CCNK: variants seen among roughly 807,000 people sequenced by gnomAD.
The protein encoded by CCNK is cyclin-K.
A neutral mutation model predicts 65.0 loss-of-function variants in CCNK; 9 were observed. That is an observed-to-expected ratio of 0.14 (90% CI 0.08 to 0.24). The LOEUF is 0.24. Among genes scored for constraint, CCNK ranks in the 10% least tolerant of loss-of-function variants. CCNK has a pLI of 1.00. For synonymous variants in CCNK, 279 were observed against 270.8 expected, an observed-to-expected ratio of 1.03 and a Z score of -0.30; for missense variants, 474 against 720.0, an observed-to-expected ratio of 0.66 and a Z score of 3.91.
intron 9 of CCNK, 172 bp downstream of exon 9, chr14:99,503,816 T>G (rs147915608): frequency 3.3e-6 from 2 of 605,948 alleles, no homozygotes; most frequent in African/African-American, 3.7e-5. Flanking sequence ...TGATCATAGA[T>G]TCTAAAATTG....
At chr14:99,488,005 C>G (rs1896526930) in intron 1 of CCNK, among the ~76,000 whole-genome samples, 2 of 152,170 alleles carry the variant, frequency 1.3e-5, no homozygotes, top group South Asian at 2.1e-4. Context: ...GCAATGACAA[C>G]TTATTTACCT....
At chr14:99,483,816 C>T (rs1046765921) in intron 1 of CCNK, among the ~76,000 whole-genome samples, 1 of 152,188 alleles carries the variant, frequency 6.6e-6, no homozygotes, top group African/African-American at 2.4e-5. Flanking sequence ...TGGAGATATG[C>T]TACAGGACTC....
At position 99,497,631 on chromosome 14, in the gene CCNK, G is replaced by GT. The variant is rs957990026; in HGVS notation, c.411+2007dup. 6.6e-5 allele frequency among the ~76,000 whole-genome samples: 10 copies of GT among 152,336 alleles called. No homozygotes were observed. The South Asian group carries it at 1.9e-3, about 28-fold the overall frequency. On this transcript the variant is annotated intron_variant, in intron 4 of 10. Transcript: ENST00000389879. ...GAAGTTCAGCCCCATTCATGGTGTT[G>GT]TTTTTCCTAACTAGCTTGTATTGTC...
intron 8 of CCNK, 110 bp downstream of exon 8, chr14:99,503,094 TGTTCGCCGAAACTCGCA>T (rs1356113108): frequency 7.8e-7 from 1 of 1,276,892 alleles, no homozygotes; most frequent in Non-Finnish European, 1.1e-6. Flanking sequence ...AAGCAGGGGG[TGTTCGCCGAAACTCGCA>T]GTCCGACTGC....
intron 10 of CCNK, chr14:99,509,197 C>T (rs923248462): frequency 5.3e-5 from 8 of 152,260 alleles, no homozygotes; most frequent in African/African-American, 1.9e-4. Flanking sequence ...GTGGCTTTGT[C>T]CTCTCTATGT....
In CCNK at chr14:99,481,426, A is replaced by G. The variant is rs1475735051; in HGVS notation, c.-106A>G. ...AGGTCCCCGACATTCCATATACAAG[A>G]TGGCCGCAGTCGGCAAGGAGAGACG... On this transcript the variant is annotated 5_prime_UTR_variant, in exon 1 of 11. The change abolishes an upstream ATG in the 5' untranslated region. Coordinates refer to ENST00000389879, the MANE Select transcript of CCNK (RefSeq NM_001099402.2). The G allele has an allele frequency of 5.0e-6, 2 of 398,570 alleles. No individual in the cohort carries two copies. The highest frequency in any genetic ancestry group is 4.1e-5 in the African/African-American group (2 of 48,634). 24.7% of individuals were successfully genotyped at this position (398,570 alleles called of 1,614,324 possible).
chr14:99,510,992 C>A lies in CCNK; in HGVS notation c.*210C>A. 1 of 397,282 alleles carries A rather than the reference C, an allele frequency of 2.5e-6. No individual in the cohort carries two copies. The highest frequency in any genetic ancestry group is 4.4e-6 in the Non-Finnish European group (1 of 227,148). 24.6% of individuals were successfully genotyped at this position (397,282 alleles called of 1,614,324 possible). A position where few individuals can be genotyped will look rare whatever the true frequency, so the allele number is the denominator to read the frequency against. On this transcript the variant is annotated 3_prime_UTR_variant, in exon 11 of 11. Coordinates refer to ENST00000389879, the MANE Select transcript of CCNK (RefSeq NM_001099402.2). ...CTTTCAGAGTAGCCTCATCAGTGCC[C>A]TTGCAGTCTGACTGTGTACACTTGG...
At chr14:99,503,553 T>G in intron 8 of CCNK, 58 bp from the exon 9 acceptor site, 2 of 1,466,976 alleles carry the variant, frequency 1.4e-6, no homozygotes, top group Non-Finnish European at 9.3e-7. Context: ...GATAATCCAT[T>G]TTTTTCTCAT....
intron 1 of CCNK, among the ~76,000 whole-genome samples, chr14:99,485,891 C>T (rs1896473410): frequency 6.6e-6 from 1 of 152,138 alleles, no homozygotes; most frequent in African/African-American, 2.4e-5. Flanking sequence ...AACCTATTTC[C>T]TAGTCTGTTC....
At chr14:99,503,231 C>G in intron 8 of CCNK, 1 of 669,706 alleles carries the variant, frequency 1.5e-6, no homozygotes, top group Non-Finnish European at 2.7e-6. Context: ...TCATCCCTGC[C>G]AGGGTTCTGA....
In CCNK at chr14:99,512,391, C is replaced by T. The variant is rs1185156300; in HGVS notation, c.*1609C>T. The T allele has an allele frequency of 6.6e-6, 1 of 151,390 alleles. No homozygotes were observed. Among genetic ancestry groups the T allele is most frequent in the Admixed American group, 6.6e-5 (1 of 15,232 alleles). 9.4% of individuals were successfully genotyped at this position (151,390 alleles called of 1,614,324 possible). Reference sequence around the variant, plus strand: ...TTTGCCCCACAGTATGAAAAATATACACCTCTACCGCTCTGCAGTCATGCA... The same window carrying T: ...TTTGCCCCACAGTATGAAAAATATATACCTCTACCGCTCTGCAGTCATGCA... On this transcript the variant is annotated 3_prime_UTR_variant, in exon 11 of 11. Transcript: ENST00000389879.
At chr14:99,494,881 A>G (rs1406549800) in intron 3 of CCNK, 1 of 152,210 alleles carries the variant, frequency 6.6e-6, no homozygotes, top group Non-Finnish European at 1.5e-5. Flanking sequence ...GCATCCTCAA[A>G]TGGTGGAAGG....
intron 1 of CCNK, among the ~76,000 whole-genome samples, chr14:99,491,248 G>A (rs148108325): frequency 1.3e-3 from 193 of 152,234 alleles, no homozygotes; most frequent in African/African-American, 4.3e-3. Flanking sequence ...TTTCAGAGTC[G>A]ATTCCCAGCA....
intron 2 of CCNK, 148 bp from the exon 3 acceptor site, chr14:99,493,366 C>T (rs1896634516): frequency 3.6e-6 from 2 of 553,362 alleles, no homozygotes; most frequent in East Asian, 2.9e-5. Context: ...TTCTGACACC[C>T]TGAGATTCCC....
rs1896312590 is a variant in CCNK at position 99,481,436 on chromosome 14, T to G, written c.-96T>G. 7.5e-6 allele frequency: 3 copies of G among 398,684 alleles called. No individual in the cohort carries two copies. The highest frequency in any genetic ancestry group is 1.3e-5 in the Non-Finnish European group (3 of 226,088). The allele number at this position is 398,684 out of a possible 1,614,324, so 24.7% of individuals were successfully genotyped here. Reference sequence around the variant, plus strand: ...CATTCCATATACAAGATGGCCGCAGTCGGCAAGGAGAGACGTCGCTGAGGG... The same window carrying G: ...CATTCCATATACAAGATGGCCGCAGGCGGCAAGGAGAGACGTCGCTGAGGG... On this transcript the variant is annotated 5_prime_UTR_variant, in exon 1 of 11. Transcript: ENST00000389879.
At chr14:99,482,050 T>C (rs1211868566) in intron 1 of CCNK, among the ~76,000 whole-genome samples, 2 of 152,190 alleles carry the variant, frequency 1.3e-5, no homozygotes, top group African/African-American at 2.4e-5. Context: ...TGGTTTGTTA[T>C]GAGAGAAATT....
intron 9 of CCNK, chr14:99,506,101 A>G (rs1431916569): frequency 6.6e-6 from 1 of 152,530 alleles, no homozygotes; most frequent in African/African-American, 2.4e-5. Context: ...GATGGACGCT[A>G]GAAATGTAGG....
In CCNK at chr14:99,512,164, T is replaced by C. The variant is rs1353560068; in HGVS notation, c.*1382T>C. 2.0e-5 allele frequency: 3 copies of C among 152,240 alleles called. No homozygotes were observed. Among genetic ancestry groups the C allele is most frequent in the Non-Finnish European group, 2.9e-5 (2 of 68,038 alleles). The allele number at this position is 152,240 out of a possible 1,614,324, so 9.4% of individuals were successfully genotyped here. A position where few individuals can be genotyped will look rare whatever the true frequency, so the allele number is the denominator to read the frequency against. The stretch of plus-strand genomic sequence containing the variant: ...CACTATCAAAAAGTTCTATTTCTTC[T>C]TGTCTCCCCACGTCAGAGTGGTTGA... On this transcript the variant is annotated 3_prime_UTR_variant, in exon 11 of 11. Coordinates refer to ENST00000389879, the MANE Select transcript of CCNK (RefSeq NM_001099402.2).
chr14:99,502,427 T>C, intron 7 of CCNK, 51 bp downstream of exon 7: 2 of 1,589,618 alleles, frequency 1.3e-6, no homozygotes, highest in Non-Finnish European at 1.7e-6. Context: ...TTGAGATGAT[T>C]CTTCCATGTG....
Sources: gnomAD v4.1 joint callset for allele counts (sites outside exome capture counted in the v4.1 genomes callset) on GRCh38, gnomAD v4.1.1 for gene constraint, MANE v1.5 for transcripts, NCBI Gene and HGNC (gene_info 2026-07-23, HGNC 2026-07-21) for gene names.